The following ESYT3 variants were observed in gnomAD, a reference collection of about 807,000 sequenced individuals.
The protein encoded by ESYT3 is extended synaptotagmin 3.
In ESYT3, 101 loss-of-function variants were observed where a neutral mutation model predicts 111.5. That is an observed-to-expected ratio of 0.91 (90% CI 0.77 to 1.07). ESYT3 has a LOEUF of 1.07. Among genes scored for constraint, ESYT3 ranks in the 50% least tolerant of loss-of-function variants. The pLI, the probability that ESYT3 is intolerant of heterozygous loss-of-function variation, is 0.00. For synonymous variants in ESYT3, 416 were observed against 446.8 expected (o/e 0.93, Z 0.87); for missense variants, 1,097 against 1,109.4 (o/e 0.99, Z 0.16).
rs1356080626 is a variant in ESYT3, at chr3:138,440,312, C to T, written c.327+5187C>T. ...TCCCTCCAAGCCTCCCTGCCAGCCA[C>T]TCAGGCAGACAGCCAAGGGCTGAGT... On this transcript the variant is annotated intron_variant, in intron 1 of 22. Transcript: ENST00000389567. This position sits in a 1 kb window ranked among gnomAD's most constrained non-coding sequence, Gnocchi z 4.2. 3.3e-5 allele frequency among the ~76,000 whole-genome samples: 5 copies of T among 152,386 alleles called. No homozygotes were observed. The highest frequency in any genetic ancestry group is 1.2e-4 in the African/African-American group (5 of 41,600).
chr3:138,451,097 G>A (rs2031895371), intron 1 of ESYT3, among the ~76,000 whole-genome samples: 1 of 152,232 alleles, frequency 6.6e-6, no homozygotes, highest in South Asian at 2.1e-4. Context: ...TGAGACTCCT[G>A]GAGGGGGATT....
At chr3:138,471,223 C>T (rs2033205315) in intron 17 of ESYT3, among the ~76,000 whole-genome samples, 197 bp downstream of exon 17, 1 of 152,244 alleles carries the variant, frequency 6.6e-6, no homozygotes, top group Non-Finnish European at 1.5e-5. Context: ...AATATTGCCT[C>T]TCCTCCATTC....
chr3:138,461,901 A>G (rs1197960136), intron 7 of ESYT3, among the ~76,000 whole-genome samples, 185 bp from the exon 8 acceptor site: 2 of 151,946 alleles, frequency 1.3e-5, no homozygotes, highest in African/African-American at 4.8e-5. Flanking sequence ...GTTGAGATAG[A>G]ATGTCAGGGG....
intron 1 of ESYT3, among the ~76,000 whole-genome samples, chr3:138,443,413 G>A (rs2031300024): frequency 6.6e-6 from 1 of 152,176 alleles, no homozygotes; most frequent in Non-Finnish European, 1.5e-5. Flanking sequence ...GACATCAAAG[G>A]ACCACTTGGC....
intron 16 of ESYT3, 58 bp downstream of exon 16, chr3:138,470,204 T>A: frequency 6.4e-7 from 1 of 1,568,252 alleles, no homozygotes; most frequent in Non-Finnish European, 8.7e-7. Context: ...CCAGGCGGGC[T>A]GGGAAGCTTG....
chr3:138,473,999 A>G (rs1011853464), intron 19 of ESYT3, among the ~76,000 whole-genome samples: 25 of 152,332 alleles, frequency 1.6e-4, no homozygotes, highest in African/African-American at 6.0e-4. Context: ...AAAAACATTC[A>G]TCTGATATTT....
chr3:138,471,052 A>T (rs1409456806), intron 17 of ESYT3, 26 bp downstream of exon 17: 1 of 1,597,072 alleles, frequency 6.3e-7, no homozygotes, highest in Non-Finnish European at 8.6e-7. Context: ...CCCCTGGGGG[A>T]GGGGAGGAAT....
At chr3:138,457,520 C>G in intron 3 of ESYT3, 48 bp from the exon 4 acceptor site, 2 of 1,570,224 alleles carry the variant, frequency 1.3e-6, no homozygotes, top group Non-Finnish European at 1.8e-6. Flanking sequence ...GGCAGCTGTC[C>G]CCTGCTACAA....
intron 6 of ESYT3, 75 bp downstream of exon 6, chr3:138,460,109 GTT>G (rs2032541381): frequency 1.5e-6 from 2 of 1,344,058 alleles, no homozygotes; most frequent in African/African-American, 2.9e-5. Flanking sequence ...TAGACATTGG[GTT>G]TGAGTCCAAG....
intron 7 of ESYT3, among the ~76,000 whole-genome samples, chr3:138,461,478 G>A (rs185650139): frequency 6.6e-6 from 1 of 152,316 alleles, no homozygotes; most frequent in African/African-American, 2.4e-5. Flanking sequence ...GCTGGCACCA[G>A]CTGGCTCATC....
Position 138,472,657 on chromosome 3 carries a change from A to G in ESYT3, c.2035A>G (p.Ile679Val), listed in dbSNP as rs188083876. ...KDSAKRFCEPIGEKKSPATIF... is the reference protein window; with the variant it reads ...KDSAKRFCEPVGEKKSPATIF... ...CAGTGCCAAAAGGTTCTGTGAGCCCATCGGGGAGAAGAAGAGTCCAGCCAC... is the reference window on the plus strand; with the variant it reads ...CAGTGCCAAAAGGTTCTGTGAGCCCGTCGGGGAGAAGAAGAGTCCAGCCAC... The change falls in exon 18 of 23, where the codon ATC (isoleucine) becomes GTC (valine). Residue 679 changes from isoleucine (I) to valine (V), a missense_variant. Ile to Val is a conservative substitution (Grantham distance 29). Transcript: ENST00000389567. The G allele has an allele frequency of 1.2e-6, 2 of 1,614,240 alleles. No homozygotes were observed. Among genetic ancestry groups the G allele is most frequent in the African/African-American group, 2.7e-5 (2 of 75,064 alleles).
In ESYT3 at chr3:138,434,656, C is replaced by G; in HGVS notation, c.-143C>G. On this transcript the variant is annotated 5_prime_UTR_variant, in exon 1 of 23. Coordinates refer to ENST00000389567, the MANE Select transcript of ESYT3 (RefSeq NM_031913.5). Reference sequence around the variant, plus strand: ...GCTCTCCGTCGCAGAGAACCCTGAGCTCGGCGCGCCGAGAGTCCCAGCAGG... The same window carrying G: ...GCTCTCCGTCGCAGAGAACCCTGAGGTCGGCGCGCCGAGAGTCCCAGCAGG... 1.3e-6 allele frequency: 1 copy of G among 746,658 alleles called. No homozygotes were observed. Among genetic ancestry groups the G allele is most frequent in the Non-Finnish European group, 2.1e-6 (1 of 485,510 alleles). 46.3% of individuals were successfully genotyped at this position (746,658 alleles called of 1,614,324 possible).
intron 8 of ESYT3, 93 bp from the exon 9 acceptor site, chr3:138,464,252 G>A: frequency 7.0e-7 from 1 of 1,421,284 alleles, no homozygotes; most frequent in Non-Finnish European, 9.7e-7. Context: ...CAATATGGGG[G>A]CAGCAGTGAT....
At chr3:138,456,010 A>G (rs2032255485) in intron 3 of ESYT3, among the ~76,000 whole-genome samples, 1 of 152,228 alleles carries the variant, frequency 6.6e-6, no homozygotes, top group Non-Finnish European at 1.5e-5. Flanking sequence ...AATGAGAGGC[A>G]CTGGCATCCG....
chr3:138,463,572 C>T (rs2032765383), intron 8 of ESYT3, among the ~76,000 whole-genome samples: 1 of 152,160 alleles, frequency 6.6e-6, no homozygotes, highest in Non-Finnish European at 1.5e-5. Context: ...TTCACTATTA[C>T]AAATAGTAGT....
intron 5 of ESYT3, 38 bp downstream of exon 5, chr3:138,459,291 C>T (rs1254562846): frequency 6.7e-7 from 1 of 1,488,184 alleles, no homozygotes; most frequent in African/African-American, 1.4e-5. Flanking sequence ...TGTTCCAGCC[C>T]CCAGGGTGGG....
chr3:138,456,117 T>A (rs2032262571), intron 3 of ESYT3, among the ~76,000 whole-genome samples: 2 of 152,248 alleles, frequency 1.3e-5, no homozygotes, highest in Non-Finnish European at 2.9e-5. Flanking sequence ...AGGGGTGGAT[T>A]AGGCAGGCCT....
At chr3:138,451,862 C>A (rs2031951556) in intron 1 of ESYT3, among the ~76,000 whole-genome samples, 186 bp from the exon 2 acceptor site, 1 of 147,736 alleles carries the variant, frequency 6.8e-6, no homozygotes, top group South Asian at 2.1e-4. Flanking sequence ...AGGACCAGTT[C>A]CGAGTTGCCA....
chr3:138,461,146 C>T (rs2032614206), intron 7 of ESYT3, among the ~76,000 whole-genome samples: 2 of 152,204 alleles, frequency 1.3e-5, no homozygotes, highest in Non-Finnish European at 2.9e-5. Context: ...CCTTGGGTCC[C>T]TCGGAGGACA....
Sources: gnomAD v4.1 joint callset for allele counts (sites outside exome capture counted in the v4.1 genomes callset) on GRCh38, gnomAD v4.1.1 for gene constraint, Gnocchi (gnomAD v3.1) non-coding constraint, MANE v1.5 for transcripts, NCBI Gene and HGNC (gene_info 2026-07-23, HGNC 2026-07-21) for gene names.